The following DNAH7 variants were observed in gnomAD, a reference collection of about 807,000 sequenced individuals.
DNAH7 encodes the protein dynein axonemal heavy chain 7.
DNAH7 carries 397 observed loss-of-function variants against 444.6 expected under a neutral mutation model. The ratio of observed to expected loss-of-function variants is 0.89; its 90% CI spans 0.82 to 0.97. DNAH7 has a LOEUF of 0.97. DNAH7 is among the 50% of genes least tolerant of loss of function. DNAH7 has a pLI of 0.00. For synonymous variants in DNAH7, 1,636 were observed against 1,624.4 expected, an observed-to-expected ratio of 1.01 and a Z score of -0.17; for missense variants, 4,902 against 4,800.8, an observed-to-expected ratio of 1.02 and a Z score of -0.62.
chr2:195,851,666 G>A (rs1033096749), intron 46 of DNAH7, among the ~76,000 whole-genome samples: 4 of 152,152 alleles, frequency 2.6e-5, no homozygotes, highest in African/African-American at 9.7e-5. Flanking sequence ...AGAGGGCCTG[G>A]TTGGGAGGAT....
intron 19 of DNAH7, among the ~76,000 whole-genome samples, chr2:195,939,495 C>T (rs1235291965): frequency 6.6e-6 from 1 of 152,078 alleles, no homozygotes; most frequent in Admixed American, 6.6e-5. Flanking sequence ...TCACAGAAGG[C>T]TGGTACTTCA....
At chr2:195,818,425 G>T (rs1235064755) in intron 49 of DNAH7, among the ~76,000 whole-genome samples, 1 of 152,038 alleles carries the variant, frequency 6.6e-6, no homozygotes, top group Non-Finnish European at 1.5e-5. Context: ...TGCTTCATCT[G>T]GGGACCTAAT....
intron 56 of DNAH7, among the ~76,000 whole-genome samples, chr2:195,795,394 A>G (rs1392460989): frequency 6.6e-6 from 1 of 152,162 alleles, no homozygotes; most frequent in Non-Finnish European, 1.5e-5. Context: ...AACCACAACA[A>G]CAACAACAAC....
intron 46 of DNAH7, among the ~76,000 whole-genome samples, chr2:195,852,174 C>T (rs556696046): frequency 5.8e-4 from 89 of 152,174 alleles, no homozygotes; most frequent in Middle Eastern, 6.8e-3. Flanking sequence ...AGGAGAATCG[C>T]GTGAACCCAG....
intron 63 of DNAH7, among the ~76,000 whole-genome samples, chr2:195,743,074 C>CT (rs1324626767): frequency 2.0e-5 from 3 of 152,210 alleles, no homozygotes; most frequent in African/African-American, 7.2e-5. Context: ...GCTAAGCCTT[C>CT]TGGCCTTCAT....
rs764204290 is a variant in DNAH7 at position 195,876,624 on chromosome 2, C to G, written c.6037G>C (p.Ala2013Pro). 4.0e-5 allele frequency: 65 copies of G among 1,613,334 alleles called. No homozygotes were observed. Among genetic ancestry groups the G allele is most frequent in the Non-Finnish European group, 5.5e-5 (65 of 1,179,498 alleles). Residue 2013 changes from alanine (A) to proline (P), a missense_variant, in exon 37 of 65, where the codon GCT (alanine) becomes CCT (proline). Ala to Pro is a conservative substitution (Grantham distance 27). Transcript: ENST00000312428. ...GACATGACAATATTCTGAGTTTGAGCTGCTGTAGTTTGTGCTGAGAAGTTA... is the reference window on the plus strand; with the variant it reads ...GACATGACAATATTCTGAGTTTGAGGTGCTGTAGTTTGTGCTGAGAAGTTA... ...LINFSAQTTA[A>P]QTQNIVMSKL...
intron 42 of DNAH7, among the ~76,000 whole-genome samples, chr2:195,860,933 A>T (rs1574592684): frequency 6.6e-6 from 1 of 152,114 alleles, no homozygotes; most frequent in Non-Finnish European, 1.5e-5. Flanking sequence ...ATTTAAAAGT[A>T]CTTAAGGCTT....
chr2:195,912,050 T>C (rs1277739031), intron 24 of DNAH7, among the ~76,000 whole-genome samples: 3 of 152,290 alleles, frequency 2.0e-5, no homozygotes, highest in Middle Eastern at 3.4e-3. Flanking sequence ...TCTTATCTTA[T>C]AGATGGTGAA....
chr2:195,836,265 C>G (rs1371196330), intron 47 of DNAH7, among the ~76,000 whole-genome samples: 1 of 152,104 alleles, frequency 6.6e-6, no homozygotes, highest in African/African-American at 2.4e-5. Flanking sequence ...GCTTCTAATC[C>G]CAGTGCTTTG....
At chr2:196,045,640 C>T (rs1228165199) in intron 5 of DNAH7, among the ~76,000 whole-genome samples, 1 of 151,850 alleles carries the variant, frequency 6.6e-6, no homozygotes, top group Non-Finnish European at 1.5e-5. Context: ...TAAATTAAAT[C>T]ATGTTAAGGT....
rs928428002 is a variant in DNAH7, at chr2:195,819,343, G to A, written c.9292-1514C>T. ...TGAAAGTAACTTTAGCACAGGGGTC[G>A]TCTCTTATTTGACTTCATGGTTGTA... is the stretch of plus-strand genomic sequence containing the variant. On this transcript the variant is annotated intron_variant, in intron 49 of 64. Coordinates refer to ENST00000312428, the MANE Select transcript of DNAH7 (RefSeq NM_018897.3). Among the ~76,000 whole-genome samples, 9 of 152,210 alleles carry A rather than the reference G, an allele frequency of 5.9e-5. No individual in the cohort carries two copies. The East Asian group carries it at 1.3e-3, about 23-fold the overall frequency.
intron 35 of DNAH7, among the ~76,000 whole-genome samples, chr2:195,882,910 C>A (rs898970614): frequency 2.6e-5 from 4 of 152,170 alleles, no homozygotes; most frequent in African/African-American, 9.7e-5. Context: ...TGACTGTCAT[C>A]TGAAGAGGTT....
chr2:195,988,203 C>CA lies in DNAH7; in HGVS notation c.1379dup (p.Leu460PhefsTer8), dbSNP rs1693055149. On this transcript the variant is annotated frameshift_variant, in exon 13 of 65. Coordinates refer to ENST00000312428, the MANE Select transcript of DNAH7 (RefSeq NM_018897.3). LOFTEE classifies it high-confidence loss of function. ...CAATTTCATTCAGAATTATGGGCTT[C>CA]AAGGTTGTTGGTTTAGACTTACTTT... The CA allele has an allele frequency of 6.2e-7, 1 of 1,609,096 alleles. No individual in the cohort carries two copies. Among genetic ancestry groups the CA allele is most frequent in the African/African-American group, 1.3e-5 (1 of 74,662 alleles).
At position 196,026,809 on chromosome 2, in the gene DNAH7, T is replaced by C. The variant is rs747485353; in HGVS notation, c.618A>G (p.Leu206=). ...GATAATCCTCTCTCATTTCATCAGA[T>C]AATGTAACTATGCTGTCAGTGAAGA... ...LKVFTDSIVT[L]SDEMREDYLL... The change falls in exon 7 of 65, where the codon TTA becomes TTG. Residue 206 remains leucine, a synonymous_variant. Transcript: ENST00000312428. The C allele has an allele frequency of 6.2e-7, 1 of 1,612,480 alleles. No homozygotes were observed. Among genetic ancestry groups the C allele is most frequent in the East Asian group, 2.2e-5 (1 of 44,750 alleles).
At chr2:196,032,243 T>C (rs750409390) in intron 5 of DNAH7, among the ~76,000 whole-genome samples, 3 of 152,156 alleles carry the variant, frequency 2.0e-5, no homozygotes, top group Non-Finnish European at 4.4e-5. Context: ...ATCCCCATGA[T>C]TCAATTATGT....
chr2:195,885,579 A>G (rs2125194915), intron 34 of DNAH7, among the ~76,000 whole-genome samples: 1 of 152,352 alleles, frequency 6.6e-6, no homozygotes, highest in South Asian at 2.1e-4. Context: ...TATTGACCAC[A>G]GTAGAAGTGC....
At position 195,936,806 on chromosome 2, in the gene DNAH7, TAAAAAA is replaced by T; in HGVS notation, c.3079-20_3079-15del. On this transcript the variant is annotated splice_polypyrimidine_tract_variant and intron_variant, in intron 19 of 64. Transcript: ENST00000312428. The stretch of plus-strand genomic sequence containing the variant: ...AACATGTTTATCCTAAAAATAAAAA[TAAAAAA>T]CACTCAATTCAAAAATATTAGATAC... 6.7e-7 allele frequency: 1 copy of T among 1,483,514 alleles called. No homozygotes were observed. The highest frequency in any genetic ancestry group is 8.9e-7 in the Non-Finnish European group (1 of 1,117,644). The allele number at this position is 1,483,514 out of a possible 1,614,324, so 91.9% of individuals were successfully genotyped here.
chr2:195,812,654 C>A (rs939223628), intron 51 of DNAH7, among the ~76,000 whole-genome samples: 2 of 152,018 alleles, frequency 1.3e-5, no homozygotes, highest in African/African-American at 4.8e-5. Context: ...TAATCACTAC[C>A]AGAAGACAAA....
chr2:195,777,003 A>T (rs1218234760), intron 59 of DNAH7, among the ~76,000 whole-genome samples: 2 of 152,196 alleles, frequency 1.3e-5, no homozygotes, highest in Admixed American at 1.3e-4. Flanking sequence ...TGTACCCAAC[A>T]GTGACCTAGG....
Sources: gnomAD v4.1 joint callset for allele counts (sites outside exome capture counted in the v4.1 genomes callset) on GRCh38, gnomAD v4.1.1 for gene constraint, MANE v1.5 for transcripts, NCBI Gene and HGNC (gene_info 2026-07-23, HGNC 2026-07-21) for gene names.